The following MCHR2 variants were observed in gnomAD, a reference collection of about 807,000 sequenced individuals.
The protein encoded by MCHR2 is melanin-concentrating hormone receptor 2.
In MCHR2, 15 loss-of-function variants were observed where a neutral mutation model predicts 24.8. The ratio of observed to expected loss-of-function variants is 0.60; its 90% CI spans 0.40 to 0.93. The LOEUF is 0.93. Among genes scored for constraint, MCHR2 ranks in the 40% least tolerant of loss-of-function variants. The pLI, the probability that MCHR2 is intolerant of heterozygous loss-of-function variation, is 0.00. For missense variants in MCHR2, 386 were observed against 408.7 expected, an observed-to-expected ratio of 0.94 and a Z score of 0.48; for synonymous variants, 151 against 147.6, an observed-to-expected ratio of 1.02 and a Z score of -0.17.
intron 1 of MCHR2, among the ~76,000 whole-genome samples, chr6:99,974,341 G>T (rs1401847627): frequency 6.6e-6 from 1 of 152,116 alleles, no homozygotes; most frequent in African/African-American, 2.4e-5. Context: ...CTTTCTTCCA[G>T]TTGATTGCAT....
At chr6:99,940,941 G>A (rs1774757952) in intron 4 of MCHR2, among the ~76,000 whole-genome samples, 1 of 152,056 alleles carries the variant, frequency 6.6e-6, no homozygotes, top group Non-Finnish European at 1.5e-5. Flanking sequence ...CTGATTTAGT[G>A]TCTCCTTTGG....
At chr6:99,936,037 T>C (rs371754828) in intron 4 of MCHR2, among the ~76,000 whole-genome samples, 6 of 151,916 alleles carry the variant, frequency 3.9e-5, no homozygotes, top group African/African-American at 1.2e-4. Flanking sequence ...ATTTTTTACA[T>C]TGGATTATTT....
rs1774166085 is a variant in MCHR2, at chr6:99,918,723, T to C, written c.*2217A>G. On this transcript the variant is annotated 3_prime_UTR_variant, in exon 6 of 6. Coordinates refer to ENST00000281806, the MANE Select transcript of MCHR2 (RefSeq NM_001040179.2). ...CAAAGAATCTCTATCAAATCACCTCTGTAAATCTGCATATAAATATGCTTA... is the reference window on the plus strand; with the variant it reads ...CAAAGAATCTCTATCAAATCACCTCCGTAAATCTGCATATAAATATGCTTA... Among the ~76,000 whole-genome samples, 1 of 152,196 alleles carries C rather than the reference T, an allele frequency of 6.6e-6. No homozygotes were observed. Among genetic ancestry groups the C allele is most frequent in the Non-Finnish European group, 1.5e-5 (1 of 68,016 alleles).
chr6:99,976,615 C>T (rs1296339209), intron 1 of MCHR2, among the ~76,000 whole-genome samples: 2 of 150,856 alleles, frequency 1.3e-5, no homozygotes, highest in African/African-American at 2.4e-5. Context: ...TGTCTACTTT[C>T]GTGGAGCACC....
chr6:99,972,364 A>G (rs766114395), intron 1 of MCHR2, among the ~76,000 whole-genome samples: 12 of 152,192 alleles, frequency 7.9e-5, no homozygotes, highest in Admixed American at 6.5e-5. Context: ...TGTTGGTAGT[A>G]TTCTCTGATG....
At chr6:99,980,358 G>C (rs539882400) in intron 1 of MCHR2, among the ~76,000 whole-genome samples, 87 of 152,264 alleles carry the variant, frequency 5.7e-4, no homozygotes, top group African/African-American at 2.0e-3. Context: ...TGCCAGGTCA[G>C]GGCAGGCTGA....
chr6:99,989,531 C>G (rs1213123149), intron 1 of MCHR2, among the ~76,000 whole-genome samples: 1 of 152,076 alleles, frequency 6.6e-6, no homozygotes, highest in African/African-American at 2.4e-5. Flanking sequence ...AAAATTGAAC[C>G]CAGTTTTGTC....
chr6:99,921,109 TAGA>T lies in MCHR2; in HGVS notation c.851_853del (p.Phe284del). 1 of 1,614,120 alleles carries T rather than the reference TAGA, an allele frequency of 6.2e-7. No individual in the cohort carries two copies. Among genetic ancestry groups the T allele is most frequent in the Non-Finnish European group, 8.5e-7 (1 of 1,179,996 alleles). On this transcript the variant is annotated inframe_deletion, in exon 6 of 6. Transcript: ENST00000281806. ...ACAGATGGAGAGGTAATAACCCACA[TAGA>T]AGGCCAGTGTGGGCTGTTCCATCTG...
At chr6:99,928,419 T>C (rs532997463) in intron 5 of MCHR2, among the ~76,000 whole-genome samples, 400 of 152,166 alleles carry the variant, frequency 2.6e-3, no homozygotes, top group African/African-American at 9.0e-3. Context: ...ATGGTACCAG[T>C]TCCTCCTTGT....
At chr6:99,928,479 G>T (rs1774423534) in intron 5 of MCHR2, among the ~76,000 whole-genome samples, 1 of 152,064 alleles carries the variant, frequency 6.6e-6, no homozygotes, top group Non-Finnish European at 1.5e-5. Flanking sequence ...GACTCTTTTT[G>T]GTTGGTAAGC....
intron 5 of MCHR2, among the ~76,000 whole-genome samples, chr6:99,924,275 T>G (rs2114484766): frequency 6.6e-6 from 1 of 152,182 alleles, no homozygotes; most frequent in Non-Finnish European, 1.5e-5. Flanking sequence ...ATTTCCAAAT[T>G]TATTTATTTA....
At chr6:99,930,132 A>G (rs1338321567) in intron 5 of MCHR2, among the ~76,000 whole-genome samples, 1 of 151,836 alleles carries the variant, frequency 6.6e-6, no homozygotes, top group Non-Finnish European at 1.5e-5. Flanking sequence ...TTCTGGGTTG[A>G]AAATTCTTTT....
At position 99,954,460 on chromosome 6, in the gene MCHR2, G is replaced by A. The variant is rs552210088; in HGVS notation, c.182+1506C>T. Among the ~76,000 whole-genome samples the A allele has an allele frequency of 7.9e-5, 12 of 152,166 alleles. 1 individual carries two copies. In the East Asian group the frequency reaches 1.9e-3, roughly 25 times the overall value. On this transcript the variant is annotated intron_variant, in intron 2 of 5. Transcript: ENST00000281806. The stretch of plus-strand genomic sequence containing the variant: ...AATAACATGACCCTACAAGTGGAAC[G>A]GTCCACACCTGACCTCATGTGATGG...
chr6:99,980,695 C>T (rs1198026474), intron 1 of MCHR2, among the ~76,000 whole-genome samples: 1 of 152,134 alleles, frequency 6.6e-6, no homozygotes, highest in Non-Finnish European at 1.5e-5. Context: ...AAAAAATACC[C>T]TCTATATTGG....
At chr6:99,963,318 TATTCTGCCATAAA>T (rs1775234748) in intron 1 of MCHR2, among the ~76,000 whole-genome samples, 1 of 152,132 alleles carries the variant, frequency 6.6e-6, no homozygotes, top group Non-Finnish European at 1.5e-5. Flanking sequence ...AATGGAATAT[TATTCTGCCATAAA>T]ATTAAGGGAA....
intron 1 of MCHR2, among the ~76,000 whole-genome samples, chr6:99,971,045 G>A (rs1775405810): frequency 3.3e-5 from 5 of 152,062 alleles, no homozygotes; most frequent in Admixed American, 3.3e-4. Context: ...GGTGATGCAG[G>A]CTCTTTTTTG....
intron 1 of MCHR2, among the ~76,000 whole-genome samples, chr6:99,968,763 A>G (rs1262588246): frequency 6.6e-6 from 1 of 152,170 alleles, no homozygotes; most frequent in Non-Finnish European, 1.5e-5. Flanking sequence ...AATTTCAAAG[A>G]ATTGAAATCA....
At chr6:99,942,562 G>A (rs1055484437) in intron 4 of MCHR2, among the ~76,000 whole-genome samples, 2 of 152,118 alleles carry the variant, frequency 1.3e-5, no homozygotes, top group African/African-American at 4.8e-5. Flanking sequence ...TGTAGGACTT[G>A]AACATGTCTT....
chr6:99,921,817 T>C (rs1482542643), intron 5 of MCHR2, among the ~76,000 whole-genome samples: 1 of 152,210 alleles, frequency 6.6e-6, no homozygotes, highest in Non-Finnish European at 1.5e-5. Flanking sequence ...CTACTCTCTA[T>C]GTCCATGAGT....
Sources: allele counts gnomAD v4.1 joint callset (sites outside exome capture counted in the v4.1 genomes callset), GRCh38; gene constraint gnomAD v4.1.1; transcripts MANE v1.5; gene names NCBI Gene and HGNC (gene_info 2026-07-23, HGNC 2026-07-21).